BPIFA3: variants seen among roughly 807,000 people sequenced by gnomAD.
The protein encoded by BPIFA3 is BPI fold containing family A member 3, also known as BPI fold-containing family A member 3.
In BPIFA3, 32 loss-of-function variants were observed where a neutral mutation model predicts 29.7. That is an observed-to-expected ratio of 1.08 (90% confidence interval 0.81 to 1.45). The LOEUF (loss-of-function observed/expected upper bound fraction) is 1.45, where lower values mean the gene tolerates loss of function less well. Ranked by LOEUF, BPIFA3 falls within the 40% of genes most tolerant of loss-of-function variation. The pLI, the probability that BPIFA3 is intolerant of heterozygous loss-of-function variation, is 0.00. For missense variants in BPIFA3, 323 were observed against 311.3 expected, an observed-to-expected ratio of 1.04 and a Z score of -0.28; for synonymous variants, 112 against 113.7, an observed-to-expected ratio of 0.98 and a Z score of 0.10.
intron 1 of BPIFA3, among the ~76,000 whole-genome samples, chr20:33,223,096 G>A (rs1427864547): frequency 2.0e-5 from 3 of 152,166 alleles, no homozygotes; most frequent in African/African-American, 7.2e-5. Context: ...GTTTGTAAGC[G>A]ACAGAAACAA....
At chr20:33,218,539 C>G (rs1173662814) in intron 1 of BPIFA3, among the ~76,000 whole-genome samples, 10 of 152,300 alleles carry the variant, frequency 6.6e-5, no homozygotes, top group Admixed American at 1.3e-4. Flanking sequence ...GATCAAGATG[C>G]AAATAGGGTT....
Position 33,224,819 on chromosome 20 carries a change from G to A in BPIFA3, c.387-279G>A, listed in dbSNP as rs1407152637. 3.3e-5 allele frequency among the ~76,000 whole-genome samples: 5 copies of A among 152,198 alleles called. No individual in the cohort carries two copies. The East Asian group carries it at 9.6e-4, about 29-fold the overall frequency. ...CATCCACTGCCCCCAAGAAAGGGAG[G>A]ATGCAGCTAAATGGGAAAGATTTTT... is the stretch of plus-strand genomic sequence containing the variant. On this transcript the variant is annotated intron_variant, in intron 3 of 6. Coordinates refer to ENST00000375454, the MANE Select transcript of BPIFA3 (RefSeq NM_178466.5).
chr20:33,225,054 A>C (rs1600630540), intron 3 of BPIFA3, 44 bp from the exon 4 acceptor site: 1 of 1,577,584 alleles, frequency 6.3e-7, no homozygotes, highest in Non-Finnish European at 8.7e-7. Flanking sequence ...CTCTTTCTCT[A>C]CCTCCTCCCC....
chr20:33,224,576 T>A, intron 3 of BPIFA3, 114 bp downstream of exon 3: 1 of 885,422 alleles, frequency 1.1e-6, no homozygotes, highest in Non-Finnish European at 1.8e-6. Context: ...CCAAAGCCAC[T>A]TGCTGTGTGA....
At chr20:33,217,767 A>G in intron 1 of BPIFA3, 104 bp downstream of exon 1, 1 of 1,364,082 alleles carries the variant, frequency 7.3e-7, no homozygotes. Context: ...CAGGTTAGTC[A>G]CTTTCCCTCT....
chr20:33,227,452 C>T, intron 6 of BPIFA3, 86 bp from the exon 7 acceptor site: 1 of 1,145,996 alleles, frequency 8.7e-7, no homozygotes, highest in East Asian at 2.3e-5. Flanking sequence ...TGCCTTTGGT[C>T]ACCATGGATG....
intron 4 of BPIFA3, 114 bp from the exon 5 acceptor site, chr20:33,226,292 A>T (rs1227957074): frequency 1.3e-6 from 1 of 762,092 alleles, no homozygotes; most frequent in Non-Finnish European, 2.2e-6. Flanking sequence ...TACTTCTGGC[A>T]TGGGGCTGAG....
chr20:33,226,768 G>A, intron 5 of BPIFA3, 162 bp from the exon 6 acceptor site: 1 of 726,526 alleles, frequency 1.4e-6, no homozygotes, highest in Non-Finnish European at 2.3e-6. Context: ...GAAGTGTTGT[G>A]CATGACACTG....
At chr20:33,227,363 A>G (rs1020084340) in intron 6 of BPIFA3, among the ~76,000 whole-genome samples, 175 bp from the exon 7 acceptor site, 4 of 152,196 alleles carry the variant, frequency 2.6e-5, no homozygotes, top group African/African-American at 9.6e-5. Flanking sequence ...GAGCTCACAG[A>G]CTAGTGAAGT....
At chr20:33,225,663 G>A (rs1402947658) in intron 4 of BPIFA3, 1 of 179,344 alleles carries the variant, frequency 5.6e-6, no homozygotes, top group Non-Finnish European at 1.2e-5. Context: ...CTGCTCCAAA[G>A]CCTCCAGTGG....
intron 1 of BPIFA3, among the ~76,000 whole-genome samples, chr20:33,220,953 G>T (rs992826183): frequency 1.3e-5 from 2 of 152,114 alleles, no homozygotes; most frequent in Non-Finnish European, 2.9e-5. Flanking sequence ...CATTAAGCCT[G>T]TTCCTTATGC....
chr20:33,226,379 G>GTTCTC, intron 4 of BPIFA3, 27 bp from the exon 5 acceptor site: 1 of 1,540,078 alleles, frequency 6.5e-7, no homozygotes, highest in South Asian at 1.1e-5. Context: ...GCTCTGTTCT[G>GTTCTC]TTCTGTGCCT....
rs116421106 is a variant in BPIFA3 at position 33,223,180 on chromosome 20, C to T, written c.128-631C>T. Among the ~76,000 whole-genome samples, 79 of 152,296 alleles carry T rather than the reference C, an allele frequency of 5.2e-4. 1 individual carries two copies. The highest frequency in any genetic ancestry group is 1.7e-3 in the African/African-American group (71 of 41,566). Reference sequence around the variant, plus strand: ...TGGGGTATGACAAAGGTTTCTGCTGCTCTGGAGTAACCCAGAGTTCTCAGT... The same window carrying T: ...TGGGGTATGACAAAGGTTTCTGCTGTTCTGGAGTAACCCAGAGTTCTCAGT... On this transcript the variant is annotated intron_variant, in intron 1 of 6. Coordinates refer to ENST00000375454, the MANE Select transcript of BPIFA3 (RefSeq NM_178466.5).
At position 33,226,962 on chromosome 20, in the gene BPIFA3, G is replaced by A; in HGVS notation, c.654G>A (p.Gln218=). 6.2e-7 allele frequency: 1 copy of A among 1,614,132 alleles called. No individual in the cohort carries two copies. The highest frequency in any genetic ancestry group is 8.5e-7 in the Non-Finnish European group (1 of 1,179,992). ...CTCTGATCGGTGAAATCCTCGGGCA[G>A]CTGGATGTGAAACTGTTGAAAAGCC... ...VCPLIGEILG[Q]LDVKLLKSLI... The change falls in exon 6 of 7, where the codon CAG becomes CAA. Residue 218 remains glutamine (Q), a synonymous_variant. Transcript: ENST00000375454.
At chr20:33,226,686 G>A (rs976784177) in intron 5 of BPIFA3, among the ~76,000 whole-genome samples, 196 bp downstream of exon 5, 5 of 152,178 alleles carry the variant, frequency 3.3e-5, no homozygotes, top group Admixed American at 6.5e-5. Context: ...GAGCCTCAGT[G>A]TTCCCACCTG....
intron 5 of BPIFA3, 103 bp from the exon 6 acceptor site, chr20:33,226,827 C>T (rs6057773): frequency 6.9e-7 from 1 of 1,447,278 alleles, no homozygotes; most frequent in South Asian, 1.2e-5. Flanking sequence ...GCCACGATTC[C>T]TACTGGAAAA....
intron 5 of BPIFA3, 47 bp downstream of exon 5, chr20:33,226,537 G>A: frequency 1.5e-6 from 2 of 1,299,400 alleles, no homozygotes; most frequent in Non-Finnish European, 2.2e-6. Flanking sequence ...TGAGTCCGAG[G>A]GTTAGGGCAT....
intron 6 of BPIFA3, among the ~76,000 whole-genome samples, chr20:33,227,322 C>G (rs1352976952): frequency 6.6e-6 from 1 of 152,194 alleles, no homozygotes; most frequent in Non-Finnish European, 1.5e-5. Flanking sequence ...ACTCCAGTTA[C>G]AGATAAACAG....
intron 1 of BPIFA3, among the ~76,000 whole-genome samples, chr20:33,218,051 G>C (rs1187330782): frequency 6.6e-6 from 1 of 152,150 alleles, no homozygotes. Context: ...TACATAAATT[G>C]TATAGTGTTG....
Sources: gnomAD v4.1 joint callset for allele counts (sites outside exome capture counted in the v4.1 genomes callset) on GRCh38, gnomAD v4.1.1 for gene constraint, MANE v1.5 for transcripts, NCBI Gene and HGNC (gene_info 2026-07-23, HGNC 2026-07-21) for gene names.